The following PPM1G variants were observed in gnomAD, a reference collection of about 807,000 sequenced individuals.
PPM1G encodes protein phosphatase, Mg2+/Mn2+ dependent 1G.
A neutral mutation model predicts 59.4 loss-of-function variants in PPM1G; 12 were observed. That is an observed-to-expected ratio of 0.20 (90% CI 0.13 to 0.33). The LOEUF (loss-of-function observed/expected upper bound fraction) is 0.33, where lower values mean the gene tolerates loss of function less well. Ranked by LOEUF, PPM1G falls within the 10% of genes least tolerant of loss-of-function variation. The pLI is 1.00. For missense variants in PPM1G, 392 were observed against 681.3 expected (o/e 0.58, Z 4.73); for synonymous variants, 245 against 251.9 (o/e 0.97, Z 0.26).
Position 27,385,086 on chromosome 2 carries a change from C to A in PPM1G, c.412G>T (p.Asp138Tyr). Residue 138 changes from aspartate (D) to tyrosine (Y), a missense_variant and splice_region_variant, in exon 5 of 10, where the codon GAC becomes TAC. By Grantham distance (160) the Asp-to-Tyr change is radical (BLOSUM62 -3). This residue lies in a region of PPM1G where 188 missense variants were observed against 248.8 expected (regional missense o/e 0.76). Coordinates refer to ENST00000344034, the MANE Select transcript of PPM1G (RefSeq NM_177983.3). The surrounding 1 kb of genome is among the most constrained non-coding windows in gnomAD (Gnocchi z 4.1). ...TGCAGCAGTGCAGCCTCCTCATTGT[C>A]CACTGCAGGGAAGAGGCTAAATCAG... is the stretch of plus-strand genomic sequence containing the variant. ...KEKVADEDDV[D>Y]NEEAALLHEE... 1 of 1,597,830 alleles carries A rather than the reference C, an allele frequency of 6.3e-7. No individual in the cohort carries two copies. Among genetic ancestry groups the A allele is most frequent in the South Asian group, 1.1e-5 (1 of 88,724 alleles).
rs1325136191 is a variant in PPM1G at position 27,383,582 on chromosome 2, T to C, written c.985A>G (p.Thr329Ala). ...GKEEPGSDSG[T>A]TAVVALIRGK... ...CGTATCAGGGCCACCACCGCTGTTG[T>C]ACCACTGTCAGAGCCAGGCTTAAGA... Residue 329 changes from threonine (T) to alanine (A), a missense_variant, in exon 7 of 10, where the codon ACA becomes GCA. Transcript: ENST00000344034. This position sits in a 1 kb window ranked among gnomAD's most constrained non-coding sequence, Gnocchi z 5.0. 1.2e-6 allele frequency: 2 copies of C among 1,613,598 alleles called. No individual in the cohort carries two copies. The highest frequency in any genetic ancestry group is 1.7e-6 in the Non-Finnish European group (2 of 1,179,774).
chr2:27,404,368 G>A (rs1377234961), intron 1 of PPM1G, among the ~76,000 whole-genome samples: 1 of 151,482 alleles, frequency 6.6e-6, no homozygotes, highest in Non-Finnish European at 1.5e-5. Context: ...CCAACATAGT[G>A]AAATCCTGTC....
chr2:27,401,847 A>C (rs534136072), intron 1 of PPM1G, among the ~76,000 whole-genome samples: 1 of 152,162 alleles, frequency 6.6e-6, no homozygotes, highest in Admixed American at 6.6e-5. Flanking sequence ...AAAAAGAAGA[A>C]AAAAAAGAAA....
At chr2:27,389,970 A>C (rs926863399) in intron 1 of PPM1G, among the ~76,000 whole-genome samples, 1 of 152,180 alleles carries the variant, frequency 6.6e-6, no homozygotes, top group African/African-American at 2.4e-5. Flanking sequence ...CCCATCTCTA[A>C]AACAAAACAA....
intron 1 of PPM1G, among the ~76,000 whole-genome samples, chr2:27,405,672 G>A (rs1663340038): frequency 6.6e-6 from 1 of 151,974 alleles, no homozygotes; most frequent in Admixed American, 6.6e-5. Context: ...GGGATTACAG[G>A]CGTTAAGCCA....
intron 1 of PPM1G, among the ~76,000 whole-genome samples, chr2:27,407,547 G>A (rs1378083775): frequency 1.3e-5 from 2 of 152,032 alleles, no homozygotes; most frequent in South Asian, 2.1e-4. Flanking sequence ...GATTACAGAC[G>A]TGAGCCACTG....
Position 27,383,897 on chromosome 2 carries a change from G to C in PPM1G, c.966+55C>G. The C allele has an allele frequency of 6.5e-7, 1 of 1,547,404 alleles. No homozygotes were observed. Among genetic ancestry groups the C allele is most frequent in the East Asian group, 2.4e-5 (1 of 41,032 alleles). ...CCCTGTCTCAAAATCAAAATTAGGGGATTCACACCTGCCTTGTGGCTTTTC... is the reference window on the plus strand; with the variant it reads ...CCCTGTCTCAAAATCAAAATTAGGGCATTCACACCTGCCTTGTGGCTTTTC... On this transcript the variant is annotated intron_variant, in intron 6 of 9. Coordinates refer to ENST00000344034, the MANE Select transcript of PPM1G (RefSeq NM_177983.3). This position sits in a 1 kb window ranked among gnomAD's most constrained non-coding sequence, Gnocchi z 5.0.
At chr2:27,402,207 T>C (rs1209926432) in intron 1 of PPM1G, among the ~76,000 whole-genome samples, 1 of 152,226 alleles carries the variant, frequency 6.6e-6, no homozygotes, top group African/African-American at 2.4e-5. Context: ...TCATACTCTG[T>C]CTACAAAATG....
At chr2:27,400,870 A>T (rs184022708) in intron 1 of PPM1G, among the ~76,000 whole-genome samples, 22 of 152,336 alleles carry the variant, frequency 1.4e-4, no homozygotes, top group Admixed American at 1.4e-3. Flanking sequence ...AGAGAATTTT[A>T]AAAAGTGCCC....
chr2:27,384,667 C>T lies in PPM1G; in HGVS notation c.825+6G>A, dbSNP rs749784797. On this transcript the variant is annotated splice_donor_region_variant and intron_variant, in intron 5 of 9. Transcript: ENST00000344034. The surrounding 1 kb of genome is among the most constrained non-coding windows in gnomAD (Gnocchi z 4.8). ...TCAGCATCTGCCTGCCCTCACAGGC[C>T]CTTACCTCACTGTCTTCCTCTTCTT... is the stretch of plus-strand genomic sequence containing the variant. The T allele has an allele frequency of 1.3e-6, 2 of 1,599,692 alleles. No homozygotes were observed. Among genetic ancestry groups the T allele is most frequent in the African/African-American group, 2.7e-5 (2 of 74,674 alleles).
At chr2:27,409,117 C>G (rs1197785757) in intron 1 of PPM1G, among the ~76,000 whole-genome samples, 186 bp downstream of exon 1, 1 of 152,178 alleles carries the variant, frequency 6.6e-6, no homozygotes, top group Non-Finnish European at 1.5e-5. Flanking sequence ...CACCGGCACA[C>G]GGTCCCCAAG....
intron 1 of PPM1G, chr2:27,392,853 C>A: frequency 6.8e-7 from 1 of 1,471,588 alleles, no homozygotes; most frequent in South Asian, 1.1e-5. Flanking sequence ...CAGATTCGGG[C>A]GCTCCCATCT....
At chr2:27,395,851 A>G (rs563678578) in intron 1 of PPM1G, among the ~76,000 whole-genome samples, 70 of 152,104 alleles carry the variant, frequency 4.6e-4, no homozygotes, top group South Asian at 8.3e-4. Flanking sequence ...AAAAAAAAAA[A>G]AAAAGAAAAA....
rs770624327 is a variant in PPM1G at position 27,409,524 on chromosome 2, G to A, written c.-102C>T. ...GCGCGGCAGGAGCAGGCCCCGCGGC[G>A]CGACCGACGCAAGGTGCCGGTGAAA... On this transcript the variant is annotated 5_prime_UTR_variant, in exon 1 of 10. Transcript: ENST00000344034. 187 of 1,313,586 alleles carry A rather than the reference G, an allele frequency of 1.4e-4. No individual in the cohort carries two copies. The highest frequency in any genetic ancestry group is 1.8e-4 in the Non-Finnish European group (182 of 1,027,822). The allele number at this position is 1,313,586 out of a possible 1,614,324, so 81.4% of individuals were successfully genotyped here.
intron 1 of PPM1G, among the ~76,000 whole-genome samples, chr2:27,396,546 G>A (rs1684058028): frequency 6.6e-6 from 1 of 151,958 alleles, no homozygotes; most frequent in Non-Finnish European, 1.5e-5. Flanking sequence ...CGGGCGTGGT[G>A]GCTCATGCCT....
chr2:27,396,941 C>T (rs1684066782), intron 1 of PPM1G, among the ~76,000 whole-genome samples: 1 of 151,988 alleles, frequency 6.6e-6, no homozygotes, highest in Non-Finnish European at 1.5e-5. Flanking sequence ...ACGATCTAGG[C>T]TCACTGCAAC....
chr2:27,381,879 G>C (rs1683639649), intron 9 of PPM1G, 74 bp from the exon 10 acceptor site: 1 of 1,474,916 alleles, frequency 6.8e-7, no homozygotes, highest in African/African-American at 1.4e-5. Context: ...CCACAAGAGG[G>C]CTGGCTTGCT....
In PPM1G at chr2:27,400,060, G is replaced by A. The variant is rs554066924; in HGVS notation, c.120+9243C>T. Among the ~76,000 whole-genome samples, 16 of 151,432 alleles carry A rather than the reference G, an allele frequency of 1.1e-4. No homozygotes were observed. In the South Asian group the frequency reaches 1.9e-3, roughly 18 times the overall value. ...ATATTATTCAACCATAAAAAAGAAC[G>A]AAACACTGATTGATTCATGACACAA... On this transcript the variant is annotated intron_variant, in intron 1 of 9. Transcript: ENST00000344034.
chr2:27,396,580 C>T (rs1326305757), intron 1 of PPM1G, among the ~76,000 whole-genome samples: 2 of 151,648 alleles, frequency 1.3e-5, no homozygotes, highest in Admixed American at 6.6e-5. Context: ...TTTGGGAGGC[C>T]GAGGCGGGCG....
Sources: gnomAD v4.1 joint callset for allele counts (sites outside exome capture counted in the v4.1 genomes callset) on GRCh38, gnomAD v4.1.1 for gene constraint, gnomAD v4.1.1 regional missense constraint, Gnocchi (gnomAD v3.1) non-coding constraint, MANE v1.5 for transcripts, NCBI Gene and HGNC (gene_info 2026-07-23, HGNC 2026-07-21) for gene names.